Variants in FRMPD4 observed in about 807,000 individuals in gnomAD.
FRMPD4 encodes FERM and PDZ domain containing 4.
A neutral mutation model predicts 94.1 loss-of-function variants in FRMPD4; 22 were observed. That is an observed-to-expected ratio of 0.23 (90% CI 0.17 to 0.33). The LOEUF (loss-of-function observed/expected upper bound fraction) is 0.33. Ranked by LOEUF, FRMPD4 falls within the 10% of genes least tolerant of loss-of-function variation. FRMPD4 has a pLI of 1.00. For synonymous variants in FRMPD4, 631 were observed against 548.6 expected, an observed-to-expected ratio of 1.15 and a Z score of -2.10; for missense variants, 1,111 against 1,339.9, an observed-to-expected ratio of 0.83 and a Z score of 2.67.
chrX:11,986,675 G>A (rs1322916314), intron 3 of FRMPD4, among the ~76,000 whole-genome samples: 1 of 111,206 alleles, frequency 9.0e-6, no homozygotes, highest in Non-Finnish European at 1.9e-5. Flanking sequence ...ACAAACTTTA[G>A]CCAGACAAAG....
intron 3 of FRMPD4, among the ~76,000 whole-genome samples, chrX:12,062,472 C>G (rs1261772757): frequency 1.4e-4 from 15 of 110,766 alleles, no homozygotes; most frequent in Non-Finnish European, 2.6e-4. Context: ...TCTTATTAAG[C>G]TTATTCCTAG....
intron 1 of FRMPD4, among the ~76,000 whole-genome samples, chrX:11,834,713 T>G (rs1255204848): frequency 4.5e-5 from 5 of 111,690 alleles, no homozygotes; most frequent in Admixed American, 9.6e-5. Flanking sequence ...TTCTTAATAA[T>G]AAGAAAGTAG....
At chrX:12,229,764 C>T (rs1260966284) in intron 1 of FRMPD4, among the ~76,000 whole-genome samples, 2 of 111,773 alleles carry the variant, frequency 1.8e-5, no homozygotes, top group Non-Finnish European at 3.8e-5. Flanking sequence ...ATTGGTCTCT[C>T]CTTCACTTCT....
chrX:12,163,526 G>A (rs1268172011), intron 1 of FRMPD4, among the ~76,000 whole-genome samples: 1 of 105,871 alleles, frequency 9.4e-6, no homozygotes, highest in South Asian at 4.1e-4. Context: ...TTGAAGTTTG[G>A]TTTTGATAGC....
chrX:11,857,374 A>C (rs59664669), intron 1 of FRMPD4, among the ~76,000 whole-genome samples: 14,419 of 110,978 alleles, frequency 0.13, 1,142 homozygotes, highest in African/African-American at 0.29. Context: ...ACTATAGACA[A>C]ATGGAACATA....
chrX:11,901,298 T>C (rs1422917203), intron 3 of FRMPD4, among the ~76,000 whole-genome samples: 1 of 112,064 alleles, frequency 8.9e-6, no homozygotes, highest in Non-Finnish European at 1.9e-5. Context: ...ATCATTCTTA[T>C]GCCTTTGCAT....
At chrX:12,051,118 A>G (rs1041690979) in intron 3 of FRMPD4, among the ~76,000 whole-genome samples, 2 of 111,876 alleles carry the variant, frequency 1.8e-5, no homozygotes, top group Non-Finnish European at 3.8e-5. Context: ...AAACAGTACT[A>G]TGTATGTTTA....
At chrX:12,633,689 G>A (rs760321645) in intron 4 of FRMPD4, among the ~76,000 whole-genome samples, 1 of 112,383 alleles carries the variant, frequency 8.9e-6, no homozygotes, top group African/African-American at 3.2e-5. Flanking sequence ...AAATACAGAA[G>A]CCTGGAAAGT....
At chrX:11,837,072 G>T (rs755415174) in intron 1 of FRMPD4, among the ~76,000 whole-genome samples, 1 of 111,443 alleles carries the variant, frequency 9.0e-6, no homozygotes, top group Non-Finnish European at 1.9e-5. Context: ...CAAGTAAAAA[G>T]ATATGAGCCC....
chrX:12,614,939 A>C, intron 4 of FRMPD4, 58 bp downstream of exon 4: 4 of 612,778 alleles, frequency 6.5e-6, no homozygotes, highest in Non-Finnish European at 1.0e-5. Context: ...CACAGCTCTG[A>C]GGTCTCAATT....
intron 3 of FRMPD4, among the ~76,000 whole-genome samples, chrX:12,019,216 C>T (rs2054620060): frequency 9.3e-6 from 1 of 107,621 alleles, no homozygotes; most frequent in South Asian, 4.2e-4. Flanking sequence ...AGTTTGGGGC[C>T]AATATCAAAT....
At chrX:12,716,004 C>CA in intron 14 of FRMPD4, 65 bp from the exon 15 acceptor site, 3 of 186,575 alleles carry the variant, frequency 1.6e-5, no homozygotes, top group East Asian at 1.2e-4. Context: ...ACGAGCCTCC[C>CA]ACCCCCGCCC....
chrX:11,851,693 C>T (rs968554163), intron 1 of FRMPD4, among the ~76,000 whole-genome samples: 4 of 111,226 alleles, frequency 3.6e-5, no homozygotes, highest in Non-Finnish European at 7.5e-5. Flanking sequence ...TCTTTGATTC[C>T]TTTCAGATTA....
intron 3 of FRMPD4, among the ~76,000 whole-genome samples, chrX:12,100,168 A>G (rs1453846613): frequency 8.9e-6 from 1 of 112,272 alleles, no homozygotes; most frequent in Non-Finnish European, 1.9e-5. Flanking sequence ...TATTTGGTGG[A>G]ACTTAGAGTT....
intron 1 of FRMPD4, among the ~76,000 whole-genome samples, chrX:12,400,613 T>G: frequency 8.9e-6 from 1 of 112,373 alleles, no homozygotes; most frequent in East Asian, 2.8e-4. Flanking sequence ...CTTTTCGACC[T>G]AGGATGGATG....
At chrX:11,842,966 G>A (rs928011275) in intron 1 of FRMPD4, among the ~76,000 whole-genome samples, 17 of 111,524 alleles carry the variant, frequency 1.5e-4, no homozygotes, top group Non-Finnish European at 2.8e-4. Context: ...ATTCAACAAC[G>A]CTTCATGCTA....
chrX:12,383,615 C>T (rs775036306), intron 1 of FRMPD4, among the ~76,000 whole-genome samples: 12 of 111,235 alleles, frequency 1.1e-4, no homozygotes, highest in South Asian at 3.9e-4. Context: ...ATGCCTGCGC[C>T]GCCTGAGTTC....
chrX:11,887,911 G>A (rs1401645410), intron 3 of FRMPD4, among the ~76,000 whole-genome samples: 1 of 112,159 alleles, frequency 8.9e-6, no homozygotes, highest in African/African-American at 3.2e-5. Flanking sequence ...GATAAATGGA[G>A]TTTTGAGAAG....
chrX:12,478,836 G>A (rs954553106), intron 1 of FRMPD4, among the ~76,000 whole-genome samples: 1 of 111,609 alleles, frequency 9.0e-6, no homozygotes, highest in Non-Finnish European at 1.9e-5. Context: ...ATAATTAAAT[G>A]TGATAATTTT....
Sources: gnomAD v4.1 joint callset for allele counts (sites outside exome capture counted in the v4.1 genomes callset) on GRCh38, gnomAD v4.1.1 for gene constraint, MANE v1.5 for transcripts, NCBI Gene and HGNC (gene_info 2026-07-23, HGNC 2026-07-21) for gene names.